MGAT4C: variants seen among roughly 807,000 people sequenced by gnomAD.
The protein encoded by MGAT4C is alpha-1,3-mannosyl-glycoprotein 4-beta-N-acetylglucosaminyltransferase C.
In MGAT4C, 19 loss-of-function variants were observed where a neutral mutation model predicts 40.1. The observed-to-expected ratio is 0.47, with a 90% CI of 0.33 to 0.70. The LOEUF (loss-of-function observed/expected upper bound fraction) is 0.70, where lower values mean the gene tolerates loss of function less well. Among genes scored for constraint, MGAT4C ranks in the 30% least tolerant of loss-of-function variants. The pLI, the probability that MGAT4C is intolerant of heterozygous loss-of-function variation, is 0.02. For synonymous variants in MGAT4C, 181 were observed against 187.1 expected (o/e 0.97, Z 0.27); for missense variants, 491 against 563.2 (o/e 0.87, Z 1.30).
chr12:86,574,574 T>C (rs1252858732), intron 2 of MGAT4C, among the ~76,000 whole-genome samples: 1 of 151,782 alleles, frequency 6.6e-6, no homozygotes, highest in Non-Finnish European at 1.5e-5. Flanking sequence ...TTAGTGATGT[T>C]CATATATGGA....
chr12:86,117,913 T>A (rs1024632053), intron 1 of MGAT4C, among the ~76,000 whole-genome samples: 1 of 152,166 alleles, frequency 6.6e-6, no homozygotes, highest in East Asian at 1.9e-4. Context: ...TGGGTCATGA[T>A]GTTCCTAGTG....
At chr12:86,461,547 A>G (rs1459309056) in intron 2 of MGAT4C, among the ~76,000 whole-genome samples, 1 of 152,086 alleles carries the variant, frequency 6.6e-6, no homozygotes, top group African/African-American at 2.4e-5. Flanking sequence ...GCCCGGCCAC[A>G]TCTTCTTACT....
At chr12:86,541,060 G>A (rs1039115805) in intron 2 of MGAT4C, among the ~76,000 whole-genome samples, 2 of 152,076 alleles carry the variant, frequency 1.3e-5, no homozygotes, top group Non-Finnish European at 2.9e-5. Flanking sequence ...TGAAGACATT[G>A]TTCATTGAAG....
At chr12:86,228,370 C>G (rs944033213) in intron 1 of MGAT4C, among the ~76,000 whole-genome samples, 7 of 151,678 alleles carry the variant, frequency 4.6e-5, no homozygotes, top group Admixed American at 2.6e-4. Context: ...ATTCAATATG[C>G]CTTATATCTA....
chr12:86,825,656 T>A (rs1481175400), intron 1 of MGAT4C, among the ~76,000 whole-genome samples: 3 of 151,480 alleles, frequency 2.0e-5, no homozygotes, highest in African/African-American at 7.3e-5. Context: ...ATTTTACTTA[T>A]CTAGGTCATT....
chr12:86,465,630 G>A (rs931702078), intron 2 of MGAT4C, among the ~76,000 whole-genome samples: 1 of 152,042 alleles, frequency 6.6e-6, no homozygotes, highest in African/African-American at 2.4e-5. Context: ...ATGAAAAGAT[G>A]CTCCACAATA....
At chr12:86,001,354 A>T (rs1887274568) in intron 2 of MGAT4C, 1 of 152,236 alleles carries the variant, frequency 6.6e-6, no homozygotes, top group African/African-American at 2.4e-5. Flanking sequence ...GACCCTTGAA[A>T]TCCCTTGAAT....
chr12:86,610,041 C>T (rs979673264), intron 2 of MGAT4C, among the ~76,000 whole-genome samples: 1 of 152,044 alleles, frequency 6.6e-6, no homozygotes, highest in Non-Finnish European at 1.5e-5. Context: ...AGAAGCTTTG[C>T]TAAAAATTTT....
At chr12:86,376,423 A>C (rs2136215862) in intron 3 of MGAT4C, among the ~76,000 whole-genome samples, 1 of 152,084 alleles carries the variant, frequency 6.6e-6, no homozygotes, top group South Asian at 2.1e-4. Flanking sequence ...CAAAAAGATT[A>C]TTGTGTATAT....
At chr12:86,380,430 TATA>T (rs1297881222) in intron 3 of MGAT4C, among the ~76,000 whole-genome samples, 1 of 152,130 alleles carries the variant, frequency 6.6e-6, no homozygotes, top group Non-Finnish European at 1.5e-5. Context: ...TGCCATACAT[TATA>T]ACATTGCTTG....
intron 2 of MGAT4C, among the ~76,000 whole-genome samples, chr12:86,487,573 T>C (rs942047772): frequency 1.3e-5 from 2 of 152,162 alleles, no homozygotes; most frequent in African/African-American, 4.8e-5. Flanking sequence ...GCTGAAGAAG[T>C]TAGTATGTGT....
rs1270809747 is a variant in MGAT4C at position 86,155,500 on chromosome 12, G to T, written c.-57+100739C>A. ...AGGACATGATTATGGTAGTCTGTGGGTTTAAAGGAAAATAAATAATTAAAG... is the reference window on the plus strand; with the variant it reads ...AGGACATGATTATGGTAGTCTGTGGTTTTAAAGGAAAATAAATAATTAAAG... On this transcript the variant is annotated intron_variant, in intron 1 of 4. Transcript: ENST00000611864. 5.9e-5 allele frequency among the ~76,000 whole-genome samples: 9 copies of T among 152,254 alleles called. No homozygotes were observed. In the South Asian group the frequency reaches 6.2e-4, roughly 11 times the overall value.
chr12:86,359,176 C>T (rs1043609402), intron 3 of MGAT4C, among the ~76,000 whole-genome samples: 3 of 152,180 alleles, frequency 2.0e-5, no homozygotes, highest in Admixed American at 2.0e-4. Flanking sequence ...AAGAAACTCA[C>T]TCAAAACCGC....
chr12:86,025,056 A>C (rs1890126044), intron 2 of MGAT4C, among the ~76,000 whole-genome samples: 1 of 151,682 alleles, frequency 6.6e-6, no homozygotes, highest in African/African-American at 2.4e-5. Flanking sequence ...TCCTTAAAGT[A>C]AATTATCAAG....
intron 2 of MGAT4C, among the ~76,000 whole-genome samples, chr12:86,603,215 A>G (rs1431934882): frequency 2.1e-5 from 3 of 144,806 alleles, no homozygotes; most frequent in African/African-American, 7.6e-5. Context: ...AATACTATAT[A>G]GTATAATATA....
At chr12:86,462,014 C>T (rs909336325) in intron 2 of MGAT4C, among the ~76,000 whole-genome samples, 2 of 152,146 alleles carry the variant, frequency 1.3e-5, no homozygotes, top group Non-Finnish European at 2.9e-5. Flanking sequence ...TTATATATTA[C>T]ATTTTACAAA....
intron 2 of MGAT4C, among the ~76,000 whole-genome samples, chr12:86,672,238 G>A (rs184148810): frequency 7.2e-5 from 11 of 152,112 alleles, no homozygotes; most frequent in African/African-American, 2.2e-4. Flanking sequence ...TGAAACAAAT[G>A]ATAATGGAAA....
chr12:86,704,419 AC>A (rs1357736946), intron 2 of MGAT4C, among the ~76,000 whole-genome samples: 1 of 152,102 alleles, frequency 6.6e-6, no homozygotes, highest in East Asian at 1.9e-4. Flanking sequence ...GGAAAAAAAA[AC>A]ATATACATGT....
intron 4 of MGAT4C, among the ~76,000 whole-genome samples, chr12:86,273,812 C>T (rs139141485): frequency 4.6e-5 from 7 of 152,256 alleles, no homozygotes; most frequent in African/African-American, 9.6e-5. Context: ...AATAATTCAA[C>T]GTATCATGAA....
Sources: gnomAD v4.1 joint callset for allele counts (sites outside exome capture counted in the v4.1 genomes callset) on GRCh38, gnomAD v4.1.1 for gene constraint, MANE v1.5 for transcripts, NCBI Gene and HGNC (gene_info 2026-07-23, HGNC 2026-07-21) for gene names.